The following RANGAP1 variants were observed in gnomAD, a reference collection of about 807,000 sequenced individuals.
RANGAP1 encodes the protein ran GTPase-activating protein 1.
In RANGAP1, 38 loss-of-function variants were observed where a neutral mutation model predicts 63.5. The observed-to-expected ratio is 0.60, with a 90% CI of 0.46 to 0.78. The LOEUF (loss-of-function observed/expected upper bound fraction) is 0.78. Among genes scored for constraint, RANGAP1 ranks in the 30% least tolerant of loss-of-function variants. RANGAP1 has a pLI of 0.00. For synonymous variants in RANGAP1, 329 were observed against 310.5 expected (o/e 1.06, Z -0.63); for missense variants, 630 against 740.3 (o/e 0.85, Z 1.73).
rs574002680 is a variant in RANGAP1, at chr22:41,275,343, T to C, written c.113-616A>G. On this transcript the variant is annotated intron_variant, in intron 2 of 15. Coordinates refer to ENST00000356244, the MANE Select transcript of RANGAP1 (RefSeq NM_002883.4). Reference sequence around the variant, plus strand: ...CTCTGTCTTACTAAAAATACAAAAATTAGCTGGGCGTGGTGGTGGGTGTTT... The same window carrying C: ...CTCTGTCTTACTAAAAATACAAAAACTAGCTGGGCGTGGTGGTGGGTGTTT... 2.6e-5 allele frequency among the ~76,000 whole-genome samples: 4 copies of C among 151,958 alleles called. No homozygotes were observed. In the South Asian group the frequency reaches 8.3e-4, roughly 32 times the overall value.
intron 15 of RANGAP1, among the ~76,000 whole-genome samples, chr22:41,247,101 G>C (rs1439104239): frequency 6.6e-6 from 1 of 152,028 alleles, no homozygotes; most frequent in Non-Finnish European, 1.5e-5. Context: ...TGTCACCCAG[G>C]CTGGAGTGCA....
the RANGAP1 span, among the ~76,000 whole-genome samples, chr22:41,295,439 C>G: frequency 5.9e-5 from 9 of 152,168 alleles, no homozygotes; most frequent in African/African-American, 2.2e-4. Flanking sequence ...TGTATCCACT[C>G]AGGGCTGAAT....
chr22:41,251,165 G>A (rs1041096885), intron 12 of RANGAP1, 56 bp from the exon 13 acceptor site: 4 of 1,410,688 alleles, frequency 2.8e-6, no homozygotes, highest in African/African-American at 1.4e-5. Flanking sequence ...AGGTACCTGG[G>A]CTCTGACGCT....
At chr22:41,291,405 GACCAA>G in the RANGAP1 span, among the ~76,000 whole-genome samples, 1 of 151,892 alleles carries the variant, frequency 6.6e-6, no homozygotes, top group African/African-American at 2.4e-5. Flanking sequence ...AGACCAGCCT[GACCAA>G]TATGGTGAAA....
intron 4 of RANGAP1, among the ~76,000 whole-genome samples, chr22:41,266,655 T>A (rs139486586): frequency 2.1e-4 from 32 of 152,300 alleles, no homozygotes; most frequent in African/African-American, 7.5e-4. Flanking sequence ...CGCCTCAGCA[T>A]CCTGAGTAGC....
Position 41,261,536 on chromosome 22 carries a change from G to A in RANGAP1, c.525C>T (p.Ala175=). 1 of 1,614,260 alleles carries A rather than the reference G, an allele frequency of 6.2e-7. No homozygotes were observed. The part of the protein sequence containing the change: ...ALTECHRKSS[A]QGKPLALKVF... ...CCTTCAGGGCCAGAGGCTTGCCTTG[G>A]GCACTGGATTTCCGGTGACATTCGG... Residue 175 remains alanine, a synonymous_variant, in exon 6 of 16, where the codon GCC becomes GCT. Transcript: ENST00000356244.
intron 11 of RANGAP1, 120 bp downstream of exon 11, chr22:41,254,186 CAA>C: frequency 2.0e-6 from 2 of 991,548 alleles, no homozygotes; most frequent in Non-Finnish European, 1.5e-6. Context: ...ATCATGCAAT[CAA>C]AAAAAAATGT....
chr22:41,263,335 C>T (rs2034278316), intron 5 of RANGAP1, among the ~76,000 whole-genome samples: 1 of 152,212 alleles, frequency 6.6e-6, no homozygotes, highest in African/African-American at 2.4e-5. Context: ...TGGGCCACGC[C>T]TGCTTTCTGT....
intron 1 of RANGAP1, chr22:41,281,488 AG>A: frequency 1.0e-6 from 1 of 994,078 alleles, no homozygotes; most frequent in South Asian, 4.5e-5. Context: ...TCTCTGTTTG[AG>A]GGTCCCATTC....
intron 13 of RANGAP1, 82 bp from the exon 14 acceptor site, chr22:41,249,899 C>T (rs1263399423): frequency 1.3e-5 from 16 of 1,265,104 alleles, no homozygotes; most frequent in East Asian, 2.4e-5. Context: ...CCCAACACCG[C>T]GCAGACACAG....
At chr22:41,271,388 AAAAAAAAC>A (rs2034812522) in intron 3 of RANGAP1, among the ~76,000 whole-genome samples, 1 of 148,836 alleles carries the variant, frequency 6.7e-6, no homozygotes, top group South Asian at 2.1e-4. Context: ...ACTGTCTCTA[AAAAAAAAC>A]AAAAAAAAAA....
At chr22:41,276,986 G>GAA (rs762582801) in intron 2 of RANGAP1, among the ~76,000 whole-genome samples, 21 of 56,024 alleles carry the variant, frequency 3.7e-4, no homozygotes, top group African/African-American at 9.5e-4. Context: ...CTGTTTCTCA[G>GAA]AAAAAAAAAA....
At chr22:41,266,888 C>CTTT (rs139523) in intron 4 of RANGAP1, among the ~76,000 whole-genome samples, 1 of 137,134 alleles carries the variant, frequency 7.3e-6, no homozygotes, top group Non-Finnish European at 1.5e-5. Flanking sequence ...AATGAATTTC[C>CTTT]TTTTTTTTTT....
chr22:41,262,943 A>G (rs1334116278), intron 5 of RANGAP1, among the ~76,000 whole-genome samples: 2 of 152,160 alleles, frequency 1.3e-5, no homozygotes, highest in Non-Finnish European at 2.9e-5. Flanking sequence ...CCCAGAAGAA[A>G]AAGATTCCAA....
chr22:41,249,874 G>T, intron 13 of RANGAP1, 57 bp from the exon 14 acceptor site: 1 of 1,503,216 alleles, frequency 6.7e-7, no homozygotes, highest in Non-Finnish European at 9.3e-7. Flanking sequence ...GCTGGGCCAA[G>T]GCACCCAGGG....
upstream of RANGAP1, among the ~76,000 whole-genome samples, chr22:41,289,623 CA>C (rs1569222337): frequency 6.6e-6 from 1 of 151,150 alleles, no homozygotes; most frequent in African/African-American, 2.4e-5. Context: ...AATTCTGCCT[CA>C]AAAAAAAGAA....
At chr22:41,296,630 G>C in the RANGAP1 span, among the ~76,000 whole-genome samples, 2 of 148,596 alleles carry the variant, frequency 1.3e-5, no homozygotes, top group African/African-American at 5.0e-5. Context: ...CTGGGTGACA[G>C]AGTGAGACTC....
At chr22:41,250,249 G>A (rs1421594760) in intron 13 of RANGAP1, among the ~76,000 whole-genome samples, 2 of 152,226 alleles carry the variant, frequency 1.3e-5, no homozygotes, top group East Asian at 1.9e-4. Context: ...GCCCACAGGC[G>A]GGCCCTCAGG....
intron 1 of RANGAP1, among the ~76,000 whole-genome samples, chr22:41,284,308 C>T (rs1273216641): frequency 6.6e-6 from 1 of 152,038 alleles, no homozygotes; most frequent in Admixed American, 6.6e-5. Context: ...TAGCTCACGC[C>T]TATAATCTCA....
Sources: allele counts gnomAD v4.1 joint callset (sites outside exome capture counted in the v4.1 genomes callset), GRCh38; gene constraint gnomAD v4.1.1; transcripts MANE v1.5; gene names NCBI Gene and HGNC (gene_info 2026-07-23, HGNC 2026-07-21).